FPGT: variants seen among roughly 807,000 people sequenced by gnomAD.
FPGT encodes the protein fucose-1-phosphate guanylyltransferase.
Under a neutral mutation model 45.8 loss-of-function variants are expected in FPGT, and 41 were observed. That is an observed-to-expected ratio of 0.90 (90% confidence interval 0.70 to 1.16). FPGT has a LOEUF of 1.16. Ranked by LOEUF, FPGT falls within the 50% of genes most tolerant of loss-of-function variation. The pLI is 0.00. For missense variants in FPGT, 755 were observed against 689.1 expected (o/e 1.10, Z -1.07); for synonymous variants, 292 against 247.2 (o/e 1.18, Z -1.70).
chr1:74,198,252 C>G lies in FPGT; in HGVS notation c.-27C>G, dbSNP rs758142053. 2 of 1,610,968 alleles carry G rather than the reference C, an allele frequency of 1.2e-6. No individual in the cohort carries two copies. The highest frequency in any genetic ancestry group is 2.2e-5 in the East Asian group (1 of 44,830). ...CACCCCAGGGCGCATGCGTGCTGTG[C>G]GGCGCGGTCTCAGGGAAGGTGGGGC... On this transcript the variant is annotated 5_prime_UTR_variant, in exon 1 of 4. Coordinates refer to ENST00000370898, the MANE Select transcript of FPGT (RefSeq NM_003838.5).
At position 74,206,463 on chromosome 1, in the gene FPGT, T is replaced by C. The variant is rs1652292733; in HGVS notation, c.*631T>C. 6.6e-6 allele frequency: 1 copy of C among 152,142 alleles called. No homozygotes were observed. The highest frequency in any genetic ancestry group is 1.5e-5 in the Non-Finnish European group (1 of 67,954). 9.4% of individuals were successfully genotyped at this position (152,142 alleles called of 1,614,324 possible). A position where few individuals can be genotyped will look rare whatever the true frequency, so the allele number is the denominator to read the frequency against. ...TGTATTATACACTTGAACATGTGTT[T>C]GTATATCTTTAAAATTTTCCTTTAT... On this transcript the variant is annotated 3_prime_UTR_variant, in exon 4 of 4. Transcript: ENST00000370898.
intron 3 of FPGT, among the ~76,000 whole-genome samples, chr1:74,204,107 A>G (rs975743140): frequency 6.6e-5 from 10 of 151,582 alleles, no homozygotes; most frequent in African/African-American, 2.2e-4. Context: ...TATTTGTTAT[A>G]CATGTAATTC....
At chr1:74,204,309 A>C in intron 3 of FPGT, 82 bp from the exon 4 acceptor site, 1 of 857,672 alleles carries the variant, frequency 1.2e-6, no homozygotes, top group Non-Finnish European at 1.7e-6. Flanking sequence ...TTTGTAACTT[A>C]TGGGTTATAA....
rs770119009 is a variant in FPGT, at chr1:74,205,392, G to A, written c.1345G>A (p.Ala449Thr). 17 of 1,613,740 alleles carry A rather than the reference G, an allele frequency of 1.1e-5. No homozygotes were observed. The highest frequency in any genetic ancestry group is 3.3e-4 in the Middle Eastern group (2 of 6,062). The change falls in exon 4 of 4, where the codon GCA (alanine) becomes ACA (threonine). Residue 449 changes from alanine (A) to threonine (T), a missense_variant. Transcript: ENST00000370898. ...CATCCTAACAAAAGCTGCCCTCCCC[G>A]CACATTCTTTTGTATGTTCCTTAAG... ...SYILTKAALP[A>T]HSFVCSLSLK... is the part of the protein sequence containing the mutation.
chr1:74,201,433 T>C (rs1553178799), intron 3 of FPGT, 23 bp downstream of exon 3: 1 of 1,503,356 alleles, frequency 6.7e-7, no homozygotes, highest in Non-Finnish European at 9.0e-7. Context: ...TTTACTAATT[T>C]ACATTTTCTT....
At position 74,207,704 on chromosome 1, in the gene FPGT, A is replaced by ACC. The variant is rs1652394231; in HGVS notation, c.*1872_*1873insCC. 6.6e-6 allele frequency among the ~76,000 whole-genome samples: 1 copy of ACC among 152,016 alleles called. No homozygotes were observed. Among genetic ancestry groups the ACC allele is most frequent in the Non-Finnish European group, 1.5e-5 (1 of 67,930 alleles). On this transcript the variant is annotated 3_prime_UTR_variant, in exon 4 of 4. Coordinates refer to ENST00000370898, the MANE Select transcript of FPGT (RefSeq NM_003838.5). The stretch of plus-strand genomic sequence containing the variant: ...GAAAATTAATTGTTTGGTAAACCAG[A>ACC]AGTGACCTGTCTGAAGCCCTCAATT...
chr1:74,199,275 G>T (rs1280996235), intron 1 of FPGT, among the ~76,000 whole-genome samples: 2 of 152,202 alleles, frequency 1.3e-5, no homozygotes, highest in Non-Finnish European at 1.5e-5. Context: ...TGATACATAA[G>T]AATTGATTTG....
At chr1:74,198,574 A>G in intron 1 of FPGT, 1 of 633,392 alleles carries the variant, frequency 1.6e-6, no homozygotes, top group Non-Finnish European at 2.6e-6. Flanking sequence ...TCTTAGTAGT[A>G]TAGATATTAA....
At position 74,208,491 on chromosome 1, in the gene FPGT, C is replaced by T. The variant is rs1426564886; in HGVS notation, c.*2659C>T. ...AATTTTTATTTTTATGAAATCATGGCACTTACATCATATACTCAGGTGTGT... is the reference window on the plus strand; with the variant it reads ...AATTTTTATTTTTATGAAATCATGGTACTTACATCATATACTCAGGTGTGT... On this transcript the variant is annotated 3_prime_UTR_variant, in exon 4 of 4. Coordinates refer to ENST00000370898, the MANE Select transcript of FPGT (RefSeq NM_003838.5). Among the ~76,000 whole-genome samples, 2 of 152,018 alleles carry T rather than the reference C, an allele frequency of 1.3e-5. No individual in the cohort carries two copies. The highest frequency in any genetic ancestry group is 1.9e-4 in the East Asian group (1 of 5,166).
Position 74,206,592 on chromosome 1 carries a change from A to G in FPGT, c.*760A>G, listed in dbSNP as rs1652304547. The G allele has an allele frequency of 1.3e-5, 2 of 152,098 alleles. No homozygotes were observed. Among genetic ancestry groups the G allele is most frequent in the Non-Finnish European group, 2.9e-5 (2 of 67,960 alleles). The allele number at this position is 152,098 out of a possible 1,614,324, so 9.4% of individuals were successfully genotyped here. A position where few individuals can be genotyped will look rare whatever the true frequency, so the allele number is the denominator to read the frequency against. On this transcript the variant is annotated 3_prime_UTR_variant, in exon 4 of 4. Coordinates refer to ENST00000370898, the MANE Select transcript of FPGT (RefSeq NM_003838.5). The stretch of plus-strand genomic sequence containing the variant: ...TCATCAATAATCATATAATTTCACT[A>G]TAGACATTACTTGCATTATCTCCTA...
rs1652152651 is a variant in FPGT, at chr1:74,205,068, C to T, written c.1021C>T (p.Leu341Phe). ...AATGAGGCAGAGAATATTTCATCTT[C>T]TTAAAGGAACATCACTAAATGTTGT... Reference protein sequence around the residue: ...VEMRQRIFHLLKGTSLNVVVL... With the variant: ...VEMRQRIFHLFKGTSLNVVVL... The change falls in exon 4 of 4, where the codon CTT becomes TTT. Residue 341 changes from leucine (L) to phenylalanine (F), a missense_variant. Transcript: ENST00000370898. 6.2e-7 allele frequency: 1 copy of T among 1,613,394 alleles called. No homozygotes were observed. Among genetic ancestry groups the T allele is most frequent in the East Asian group, 2.2e-5 (1 of 44,874 alleles).
Position 74,205,257 on chromosome 1 carries a change from C to A in FPGT, c.1210C>A (p.Gln404Lys). 6.2e-7 allele frequency: 1 copy of A among 1,613,384 alleles called. No homozygotes were observed. Among genetic ancestry groups the A allele is most frequent in the South Asian group, 1.1e-5 (1 of 91,046 alleles). ...CTCTGGCAAAACATCCTGTATCATTCAAAGCATACTGGATTCAAGATGTTC... is the reference window on the plus strand; with the variant it reads ...CTCTGGCAAAACATCCTGTATCATTAAAAGCATACTGGATTCAAGATGTTC... ...ECSGKTSCII[Q>K]SILDSRCSVA... is the part of the protein sequence containing the mutation. The change falls in exon 4 of 4, where the codon CAA (glutamine) becomes AAA (lysine). Residue 404 changes from glutamine (Q) to lysine (K), a missense_variant. Physicochemically the swap from Gln to Lys is moderately conservative, Grantham distance 53. Coordinates refer to ENST00000370898, the MANE Select transcript of FPGT (RefSeq NM_003838.5).
chr1:74,204,283 G>T, intron 3 of FPGT, 108 bp from the exon 4 acceptor site: 1 of 639,442 alleles, frequency 1.6e-6, no homozygotes, highest in South Asian at 3.0e-5. Context: ...ATTAAATATC[G>T]TTAAATATAT....
At position 74,208,196 on chromosome 1, in the gene FPGT, A is replaced by G. The variant is rs919388741; in HGVS notation, c.*2364A>G. 6.6e-6 allele frequency among the ~76,000 whole-genome samples: 1 copy of G among 151,960 alleles called. No homozygotes were observed. Among genetic ancestry groups the G allele is most frequent in the Non-Finnish European group, 1.5e-5 (1 of 67,936 alleles). ...AAAAAGATGAATTAGGAATGATTCT[A>G]ACCTAAGTATGTGTTTTAATAAAAG... On this transcript the variant is annotated 3_prime_UTR_variant, in exon 4 of 4. Transcript: ENST00000370898.
intron 3 of FPGT, among the ~76,000 whole-genome samples, chr1:74,203,136 T>G (rs1025487685): frequency 6.6e-6 from 1 of 152,188 alleles, no homozygotes; most frequent in Non-Finnish European, 1.5e-5. Context: ...TATACATAAT[T>G]GTATGTTCTG....
At chr1:74,200,698 C>T (rs183392633) in intron 2 of FPGT, 27 of 153,532 alleles carry the variant, frequency 1.8e-4, no homozygotes, top group African/African-American at 5.6e-4. Flanking sequence ...TTAGTAGAGA[C>T]GGGGTTTCAC....
At chr1:74,199,326 T>C (rs1372348035) in intron 1 of FPGT, among the ~76,000 whole-genome samples, 2 of 152,206 alleles carry the variant, frequency 1.3e-5, no homozygotes, top group Non-Finnish European at 2.9e-5. Context: ...CTCTTCTTAT[T>C]GAAGAATTGA....
chr1:74,204,939 A>G lies in FPGT; in HGVS notation c.892A>G (p.Ile298Val). 1 of 1,614,104 alleles carries G rather than the reference A, an allele frequency of 6.2e-7. No homozygotes were observed. The highest frequency in any genetic ancestry group is 8.5e-7 in the Non-Finnish European group (1 of 1,179,994). The change falls in exon 4 of 4, where the codon ATA (isoleucine) becomes GTA (valine). Residue 298 changes from isoleucine (I) to valine (V), a missense_variant. Coordinates refer to ENST00000370898, the MANE Select transcript of FPGT (RefSeq NM_003838.5). ...AAAAATAGGCACACTGAGCTGTGAAATAGATGCCTATGGTGACTTTCTGCA... is the reference window on the plus strand; with the variant it reads ...AAAAATAGGCACACTGAGCTGTGAAGTAGATGCCTATGGTGACTTTCTGCA... The part of the protein sequence containing the change: ...YEKIGTLSCE[I>V]DAYGDFLQAL...
Position 74,204,999 on chromosome 1 carries a change from A to C in FPGT, c.952A>C (p.Arg318=). The change falls in exon 4 of 4, where the codon AGA becomes CGA. Residue 318 remains arginine (R), a synonymous_variant. Transcript: ENST00000370898. ...ACCTGGAGCAACTGTGGAGTACACC[A>C]GAAACACATCAAATGTCATTAAAGA... ...LGPGATVEYT[R]NTSNVIKEES... is the part of the protein sequence containing the mutation. 6.2e-7 allele frequency: 1 copy of C among 1,614,094 alleles called. No individual in the cohort carries two copies. The highest frequency in any genetic ancestry group is 8.5e-7 in the Non-Finnish European group (1 of 1,179,990).
Sources: allele counts gnomAD v4.1 joint callset (sites outside exome capture counted in the v4.1 genomes callset), GRCh38; gene constraint gnomAD v4.1.1; transcripts MANE v1.5; gene names NCBI Gene and HGNC (gene_info 2026-07-23, HGNC 2026-07-21).